Variants in FER observed in about 807,000 individuals in gnomAD.
FER encodes the protein tyrosine-protein kinase Fer.
FER carries 63 observed loss-of-function variants against 111.0 expected under a neutral mutation model. That is an observed-to-expected ratio of 0.57 (90% CI 0.46 to 0.70). FER has a LOEUF of 0.70. Among genes scored for constraint, FER ranks in the 30% least tolerant of loss-of-function variants. The probability of loss-of-function intolerance (pLI) is 0.00; values close to 1 mark genes in which losing one functional copy is unlikely to be tolerated. For synonymous variants in FER, 327 were observed against 313.9 expected (o/e 1.04, Z -0.44); for missense variants, 914 against 954.0 (o/e 0.96, Z 0.55).
At chr5:109,017,204 G>A (rs1284107413) in intron 13 of FER, among the ~76,000 whole-genome samples, 1 of 151,960 alleles carries the variant, frequency 6.6e-6, no homozygotes. Flanking sequence ...ATGTGAGCTT[G>A]AGAGGATTGC....
intron 3 of FER, among the ~76,000 whole-genome samples, chr5:108,802,963 T>A (rs1002579308): frequency 6.6e-6 from 1 of 152,102 alleles, no homozygotes. Context: ...CCACCAACAG[T>A]GTATTAAGTG....
intron 9 of FER, among the ~76,000 whole-genome samples, chr5:108,890,993 G>T (rs1747956594): frequency 1.3e-5 from 2 of 152,200 alleles, no homozygotes; most frequent in South Asian, 2.1e-4. Flanking sequence ...AGCAATGTGT[G>T]AGTGATCCAG....
intron 16 of FER, among the ~76,000 whole-genome samples, chr5:109,086,946 C>T (rs1777631509): frequency 6.7e-6 from 1 of 148,982 alleles, no homozygotes; most frequent in Non-Finnish European, 1.5e-5. Flanking sequence ...ACATGATCTT[C>T]CCTTTGTCTG....
In FER at chr5:108,820,519, G is replaced by T. The variant is rs186629948; in HGVS notation, c.208-12251G>T. ...AAGAAGCTGGAAAAGTATTGGGAAA[G>T]AAAAGGTAATATAATTTCTTAATTT... On this transcript the variant is annotated intron_variant, in intron 3 of 19. Coordinates refer to ENST00000281092, the MANE Select transcript of FER (RefSeq NM_005246.4). The T allele has an allele frequency of 9.4e-5, 93 of 985,388 alleles. No individual in the cohort carries two copies. The East Asian group carries it at 9.6e-3, about 102-fold the overall frequency. 61.0% of individuals were successfully genotyped at this position (985,388 alleles called of 1,614,324 possible). A position where few individuals can be genotyped will look rare whatever the true frequency, so the allele number is the denominator to read the frequency against.
intron 10 of FER, among the ~76,000 whole-genome samples, chr5:108,924,407 TTAGA>T (rs1200666703): frequency 1.3e-5 from 2 of 151,912 alleles, no homozygotes; most frequent in South Asian, 2.1e-4. Context: ...GATTTATTTC[TTAGA>T]TAGTGTTTCT....
chr5:108,803,656 T>A (rs992990035), intron 3 of FER, among the ~76,000 whole-genome samples: 3 of 151,862 alleles, frequency 2.0e-5, no homozygotes, highest in East Asian at 1.9e-4. Flanking sequence ...TTTTTTTTTT[T>A]AATTTCTGTG....
chr5:109,044,029 T>G (rs1319713447), intron 14 of FER, among the ~76,000 whole-genome samples: 1 of 151,926 alleles, frequency 6.6e-6, no homozygotes, highest in Non-Finnish European at 1.5e-5. Context: ...AAAATACATA[T>G]GCAGTGTAAA....
chr5:108,960,923 C>G (rs1292688190), intron 13 of FER, among the ~76,000 whole-genome samples: 2 of 152,046 alleles, frequency 1.3e-5, no homozygotes, highest in Admixed American at 6.6e-5. Context: ...GTATATATCT[C>G]TTAAAAATAC....
At chr5:108,926,763 G>C (rs1454111236) in intron 10 of FER, among the ~76,000 whole-genome samples, 1 of 152,154 alleles carries the variant, frequency 6.6e-6, no homozygotes, top group Admixed American at 6.5e-5. Flanking sequence ...TTGATCATAG[G>C]AAGCCTTTGT....
At chr5:109,095,424 C>T (rs1162648813) in intron 16 of FER, among the ~76,000 whole-genome samples, 1 of 152,026 alleles carries the variant, frequency 6.6e-6, no homozygotes, top group African/African-American at 2.4e-5. Context: ...TTTGTTCATG[C>T]TACAAGCCAT....
intron 1 of FER, among the ~76,000 whole-genome samples, chr5:108,766,005 C>G (rs905547390): frequency 4.6e-5 from 7 of 151,774 alleles, no homozygotes; most frequent in African/African-American, 1.7e-4. Context: ...TCATTGTTCA[C>G]TGCAACCTCA....
intron 13 of FER, among the ~76,000 whole-genome samples, chr5:108,984,531 A>ATG (rs1346217649): frequency 6.6e-6 from 1 of 151,946 alleles, no homozygotes; most frequent in Non-Finnish European, 1.5e-5. Flanking sequence ...TATCCCAAAC[A>ATG]TGATGTTGGA....
chr5:109,097,821 G>A (rs1747727146), intron 16 of FER, among the ~76,000 whole-genome samples: 1 of 151,748 alleles, frequency 6.6e-6, no homozygotes, highest in African/African-American at 2.4e-5. Context: ...TGTACTTGCG[G>A]AAGGCTTGGG....
In FER at chr5:108,972,230, G is replaced by C. The variant is rs544544089; in HGVS notation, c.1656+12883G>C. ...TATCAGAATGGAGGGACAGATGAGA[G>C]GTGGTAAGGAGTGAGTGTGGTGAGT... On this transcript the variant is annotated intron_variant, in intron 13 of 19. Transcript: ENST00000281092. Among the ~76,000 whole-genome samples, 109 of 151,914 alleles carry C rather than the reference G, an allele frequency of 7.2e-4. 1 individual carries two copies. The highest frequency in any genetic ancestry group is 1.1e-3 in the Non-Finnish European group (72 of 67,980).
At chr5:108,905,410 G>T (rs1011369447) in intron 10 of FER, among the ~76,000 whole-genome samples, 6 of 151,870 alleles carry the variant, frequency 4.0e-5, no homozygotes, top group African/African-American at 9.7e-5. Context: ...AACTGGCCAG[G>T]GGTGAACTAG....
intron 10 of FER, among the ~76,000 whole-genome samples, chr5:108,940,034 C>G (rs1446599684): frequency 6.6e-6 from 1 of 152,026 alleles, no homozygotes; most frequent in Admixed American, 6.6e-5. Context: ...ACCCATAAAA[C>G]TTATCCTCTC....
chr5:109,171,690 G>A (rs7708766), intron 17 of FER, among the ~76,000 whole-genome samples: 2,965 of 152,156 alleles, frequency 0.019, 49 homozygotes, highest in Middle Eastern at 0.092. Context: ...GAATGGGAGC[G>A]GGTGTATGTT....
At chr5:109,053,585 T>C (rs767846214) in intron 16 of FER, among the ~76,000 whole-genome samples, 3 of 151,908 alleles carry the variant, frequency 2.0e-5, no homozygotes, top group Non-Finnish European at 4.4e-5. Flanking sequence ...AAAAATAGAA[T>C]CATGCAGTAA....
chr5:108,796,947 TCACCATAGC>T (rs1756094618), intron 2 of FER, among the ~76,000 whole-genome samples: 1 of 151,828 alleles, frequency 6.6e-6, no homozygotes, highest in African/African-American at 2.4e-5. Flanking sequence ...AAGGAGTCTC[TCACCATAGC>T]CACCACAACT....
Sources: gnomAD v4.1 joint callset for allele counts (sites outside exome capture counted in the v4.1 genomes callset) on GRCh38, gnomAD v4.1.1 for gene constraint, MANE v1.5 for transcripts, NCBI Gene and HGNC (gene_info 2026-07-23, HGNC 2026-07-21) for gene names.